The following DNMT3B variants were observed in gnomAD, a reference collection of about 807,000 sequenced individuals.
DNMT3B encodes the protein DNA (cytosine-5)-methyltransferase 3B.
In DNMT3B, 37 loss-of-function variants were observed where a neutral mutation model predicts 120.2. The ratio of observed to expected loss-of-function variants is 0.31; its 90% CI spans 0.24 to 0.40. The LOEUF is 0.40. DNMT3B is among the 10% of genes least tolerant of loss of function. The pLI, the probability that DNMT3B is intolerant of heterozygous loss-of-function variation, is 1.00. For synonymous variants in DNMT3B, 412 were observed against 442.8 expected, an observed-to-expected ratio of 0.93 and a Z score of 0.87; for missense variants, 878 against 1,137.3, an observed-to-expected ratio of 0.77 and a Z score of 3.28.
chr20:32,792,921 G>A (rs573893383), intron 9 of DNMT3B, 151 bp downstream of exon 9: 18 of 1,222,502 alleles, frequency 1.5e-5, no homozygotes, highest in African/African-American at 7.5e-5. Flanking sequence ...GCAGGCATAC[G>A]AAGGCTGTGC....
chr20:32,795,438 G>C lies in DNMT3B; in HGVS notation c.1156G>C (p.Asp386His), dbSNP rs763129781. The change falls in exon 11 of 23, where the codon GAC becomes CAC. Residue 386 changes from aspartate to histidine, a missense_variant. Around this residue, in one of 4 missense-constraint regions of DNMT3B, gnomAD observed 207 missense variants for 222.6 expected, o/e 0.93. Coordinates refer to ENST00000328111, the MANE Select transcript of DNMT3B (RefSeq NM_006892.4). ...CAAGACTCGAAGACGCACAGCTGACGACTCAGCCACCTCTGACTACTGCCC... is the reference window on the plus strand; with the variant it reads ...CAAGACTCGAAGACGCACAGCTGACCACTCAGCCACCTCTGACTACTGCCC... ...ENKTRRRTAD[D>H]SATSDYCPAP... 1 of 1,614,072 alleles carries C rather than the reference G, an allele frequency of 6.2e-7. No individual in the cohort carries two copies. The highest frequency in any genetic ancestry group is 1.7e-5 in the Admixed American group (1 of 60,016).
At chr20:32,772,407 G>T (rs551962188) in intron 1 of DNMT3B, among the ~76,000 whole-genome samples, 13 of 152,220 alleles carry the variant, frequency 8.5e-5, no homozygotes, top group Non-Finnish European at 1.6e-4. Flanking sequence ...GGTGCAGCCT[G>T]CTGTGAGGGA....
intron 1 of DNMT3B, among the ~76,000 whole-genome samples, chr20:32,774,114 G>T (rs1987924869): frequency 6.6e-6 from 1 of 152,024 alleles, no homozygotes. Flanking sequence ...TCCTTTGGAT[G>T]TGCTGTCCCT....
At position 32,807,934 on chromosome 20, in the gene DNMT3B, T is replaced by C. The variant is rs1982149022; in HGVS notation, c.*31T>C. The C allele has an allele frequency of 1.9e-6, 3 of 1,613,872 alleles. No individual in the cohort carries two copies. Among genetic ancestry groups the C allele is most frequent in the Non-Finnish European group, 2.5e-6 (3 of 1,179,906 alleles). On this transcript the variant is annotated 3_prime_UTR_variant, in exon 23 of 23. Transcript: ENST00000328111. ...GCCAGGCCCCAAGCCCACTGGGGTG[T>C]GTGGCAGAGCCAGGACCCAGGAGGT...
chr20:32,777,329 G>A (rs1471087426), intron 1 of DNMT3B, among the ~76,000 whole-genome samples: 1 of 152,144 alleles, frequency 6.6e-6, no homozygotes, highest in Non-Finnish European at 1.5e-5. Context: ...CACTGCTGAG[G>A]CCCTGGGGGA....
At chr20:32,775,774 T>C (rs1988036611) in intron 1 of DNMT3B, among the ~76,000 whole-genome samples, 1 of 152,260 alleles carries the variant, frequency 6.6e-6, no homozygotes, top group African/African-American at 2.4e-5. Context: ...TGTTCATAAC[T>C]TCTGTAATTC....
intron 10 of DNMT3B, 46 bp downstream of exon 10, chr20:32,793,641 T>G (rs964925858): frequency 6.3e-7 from 1 of 1,597,114 alleles, no homozygotes; most frequent in Non-Finnish European, 8.6e-7. Context: ...TCTATGCACT[T>G]TCTTCTGATT....
In DNMT3B at chr20:32,780,363, G is replaced by A. The variant is rs770859652; in HGVS notation, c.40G>A (p.Ala14Thr). 1.2e-6 allele frequency: 2 copies of A among 1,614,002 alleles called. No homozygotes were observed. Among genetic ancestry groups the A allele is most frequent in the East Asian group, 2.2e-5 (1 of 44,872 alleles). The change falls in exon 2 of 23, where the codon GCC becomes ACC. Residue 14 changes from alanine (A) to threonine (T), a missense_variant. Ala to Thr is a moderately conservative substitution (Grantham distance 58). Around this residue, in one of 4 missense-constraint regions of DNMT3B, gnomAD observed 287 missense variants for 306.2 expected, o/e 0.94. Transcript: ENST00000328111. ...DTRHLNGEED[A>T]GGREDSILVN... ...CAGGCATCTCAATGGAGAGGAGGAC[G>A]CCGGCGGGAGGGAAGACTCGATCCT...
chr20:32,792,776 A>T lies in DNMT3B; in HGVS notation c.1066+6A>T, dbSNP rs774633151. 6.2e-7 allele frequency: 1 copy of T among 1,613,956 alleles called. No individual in the cohort carries two copies. Among genetic ancestry groups the T allele is most frequent in the South Asian group, 1.1e-5 (1 of 91,072 alleles). ...ACCCAACAACACGCAACCAGGTGGG[A>T]ATGAGTCCCCATGGCAGCACCCGCT... On this transcript the variant is annotated splice_donor_region_variant and intron_variant, in intron 9 of 22. Transcript: ENST00000328111.
intron 4 of DNMT3B, among the ~76,000 whole-genome samples, 196 bp from the exon 5 acceptor site, chr20:32,786,306 C>A (rs545744703): frequency 6.6e-6 from 1 of 152,350 alleles, no homozygotes; most frequent in Admixed American, 6.5e-5. Context: ...GGCCACCCTA[C>A]CACCTCTATT....
chr20:32,791,403 T>G (rs1243224494), intron 7 of DNMT3B, among the ~76,000 whole-genome samples, 198 bp from the exon 8 acceptor site: 4 of 151,988 alleles, frequency 2.6e-5, no homozygotes, highest in African/African-American at 7.3e-5. Context: ...GATATCTGTG[T>G]GTTGAGACTC....
At chr20:32,806,427 C>T (rs984273605) in intron 22 of DNMT3B, 100 bp downstream of exon 22, 8 of 1,110,178 alleles carry the variant, frequency 7.2e-6, no homozygotes, top group East Asian at 2.4e-5. Context: ...GCCTCACTGC[C>T]CTTTGGTGTT....
intron 19 of DNMT3B, among the ~76,000 whole-genome samples, chr20:32,801,920 C>G (rs1444276036): frequency 2.0e-5 from 3 of 152,124 alleles, no homozygotes; most frequent in Non-Finnish European, 4.4e-5. Flanking sequence ...AATCTCAGCC[C>G]AACTCTTTGA....
intron 1 of DNMT3B, among the ~76,000 whole-genome samples, chr20:32,773,848 T>C (rs1987892708): frequency 6.7e-6 from 1 of 149,524 alleles, no homozygotes; most frequent in Non-Finnish European, 1.5e-5. Context: ...TTGCCCAGGC[T>C]GGCGTTGAAC....
At chr20:32,780,294 C>A in intron 1 of DNMT3B, 24 bp from the exon 2 acceptor site, 1 of 1,613,826 alleles carries the variant, frequency 6.2e-7, no homozygotes, top group Non-Finnish European at 8.5e-7. Context: ...CCTTTCACCC[C>A]ACCCATTCTG....
chr20:32,773,087 G>A (rs1987841179), intron 1 of DNMT3B, among the ~76,000 whole-genome samples: 1 of 151,436 alleles, frequency 6.6e-6, no homozygotes, highest in South Asian at 2.1e-4. Flanking sequence ...CCAAAGTGCT[G>A]GGATCACAGA....
chr20:32,762,902 G>C (rs1987060333), intron 1 of DNMT3B, among the ~76,000 whole-genome samples: 1 of 152,062 alleles, frequency 6.6e-6, no homozygotes, highest in Non-Finnish European at 1.5e-5. Context: ...GTGGAACGGG[G>C]ACAGCGGGTG....
intron 1 of DNMT3B, among the ~76,000 whole-genome samples, chr20:32,763,371 G>T (rs759679577): frequency 9.2e-5 from 14 of 152,214 alleles, no homozygotes; most frequent in Non-Finnish European, 1.6e-4. Context: ...CAAGCGCGGG[G>T]AGCAGCGGGG....
chr20:32,792,975 C>T (rs1453609105), intron 9 of DNMT3B, among the ~76,000 whole-genome samples: 12 of 152,236 alleles, frequency 7.9e-5, no homozygotes, highest in Admixed American at 7.8e-4. Flanking sequence ...CTGATGGTCA[C>T]GTGCATATAA....
Sources: allele counts gnomAD v4.1 joint callset (sites outside exome capture counted in the v4.1 genomes callset), GRCh38; gene constraint gnomAD v4.1.1; regional missense constraint gnomAD v4.1.1; transcripts MANE v1.5; gene names NCBI Gene and HGNC (gene_info 2026-07-23, HGNC 2026-07-21).